Variants in SPTA1 observed in about 807,000 individuals in gnomAD.
The protein encoded by SPTA1 is spectrin alpha chain, erythrocytic 1.
SPTA1 carries 177 observed loss-of-function variants against 324.7 expected under a neutral mutation model. That is an observed-to-expected ratio of 0.55 (90% CI 0.48 to 0.62). The LOEUF (loss-of-function observed/expected upper bound fraction) is 0.62. SPTA1 is among the 20% of genes least tolerant of loss of function. SPTA1 has a pLI of 0.00. For synonymous variants in SPTA1, 1,195 were observed against 1,041.3 expected, an observed-to-expected ratio of 1.15 and a Z score of -2.84; for missense variants, 3,162 against 2,883.6, an observed-to-expected ratio of 1.10 and a Z score of -2.21.
chr1:158,628,151 G>A (rs575284969), intron 39 of SPTA1, among the ~76,000 whole-genome samples: 1 of 152,266 alleles, frequency 6.6e-6, no homozygotes, highest in Admixed American at 6.5e-5. Context: ...ACATGGAGCT[G>A]CCACTGACGA....
rs536551499 is a variant in SPTA1, at chr1:158,651,435, T to C, written c.3409A>G (p.Ile1137Val). ...LNTNEPRLRD[I>V]NKVADDLLFE... ...AGTAGATCATCAGCTACCTTGTTGA[T>C]ATCCCTTAGCCGAGGCTCATTGGTA... The change falls in exon 24 of 52, where the codon ATC becomes GTC. Residue 1137 changes from isoleucine to valine, a missense_variant. Physicochemically the swap from Ile to Val is conservative, Grantham distance 29. Coordinates refer to ENST00000643759, the MANE Select transcript of SPTA1 (RefSeq NM_003126.4). 17 of 1,613,906 alleles carry C rather than the reference T, an allele frequency of 1.1e-5. No homozygotes were observed. In the East Asian group the frequency reaches 1.3e-4, roughly 13 times the overall value.
intron 14 of SPTA1, among the ~76,000 whole-genome samples, chr1:158,668,464 G>A (rs1490551999): frequency 6.6e-6 from 1 of 152,150 alleles, no homozygotes; most frequent in East Asian, 1.9e-4. Context: ...AACTCATCTA[G>A]TGAATGCAAA....
Position 158,653,427 on chromosome 1 carries a change from T to G in SPTA1, c.3037-2A>C. ...AGCAGCTTCCACCTTCCACCAGTCC[T>G]GAAGGGAGAGCAGATCCCCACTCCG... On this transcript the variant is annotated splice_acceptor_variant, in intron 21 of 51. Coordinates refer to ENST00000643759, the MANE Select transcript of SPTA1 (RefSeq NM_003126.4). LOFTEE classifies it high-confidence loss of function. The G allele has an allele frequency of 6.2e-7, 1 of 1,613,954 alleles. No homozygotes were observed. Among genetic ancestry groups the G allele is most frequent in the Non-Finnish European group, 8.5e-7 (1 of 1,179,968 alleles).
chr1:158,650,869 A>G (rs1652378020), intron 24 of SPTA1, among the ~76,000 whole-genome samples: 1 of 152,192 alleles, frequency 6.6e-6, no homozygotes, highest in Non-Finnish European at 1.5e-5. Flanking sequence ...GGAGGTTTGG[A>G]TATTGTAATT....
At chr1:158,628,493 G>A (rs187914237) in intron 39 of SPTA1, among the ~76,000 whole-genome samples, 61 of 152,242 alleles carry the variant, frequency 4.0e-4, no homozygotes, top group Middle Eastern at 3.4e-3. Context: ...AGGACTTTCA[G>A]TTCATGGTGT....
intron 49 of SPTA1, 68 bp from the exon 50 acceptor site, chr1:158,613,935 A>T: frequency 6.5e-7 from 1 of 1,532,982 alleles, no homozygotes; most frequent in South Asian, 1.2e-5. Flanking sequence ...AACAGAAAGG[A>T]ATATGTCTTA....
At chr1:158,655,244 A>C (rs550411722) in intron 20 of SPTA1, among the ~76,000 whole-genome samples, 263 of 152,268 alleles carry the variant, frequency 1.7e-3, no homozygotes, top group African/African-American at 6.0e-3. Context: ...TGAGTGATCA[A>C]TAGCACAGGA....
intron 48 of SPTA1, 122 bp from the exon 49 acceptor site, chr1:158,614,428 A>C (rs1210023816): frequency 2.7e-6 from 2 of 732,064 alleles, no homozygotes; most frequent in African/African-American, 3.5e-5. Context: ...CATCTAGTTC[A>C]AGAGTTGGCA....
At chr1:158,664,552 A>G (rs1440603348) in intron 16 of SPTA1, among the ~76,000 whole-genome samples, 1 of 152,168 alleles carries the variant, frequency 6.6e-6, no homozygotes, top group Non-Finnish European at 1.5e-5. Flanking sequence ...TAATGCATGC[A>G]GGGCTTAAAA....
Position 158,648,530 on chromosome 1 carries a change from G to A in SPTA1, c.3693C>T (p.Asp1231=), listed in dbSNP as rs34773716. 6,662 of 1,613,928 alleles carry A rather than the reference G, an allele frequency of 4.1e-3. 194 individuals are homozygous for A. In the African/African-American group the frequency reaches 0.072, roughly 17 times the overall value. ...TCACCTTATCTCCCAGGGGTACGAG[G>A]TCCCTTTCAAAGCCCTCATGCCGTC... ...LQRRHEGFER[D]LVPLGDKVTI... The change falls in exon 26 of 52, where the codon GAC becomes GAT. Residue 1231 remains aspartate (D), a synonymous_variant. Coordinates refer to ENST00000643759, the MANE Select transcript of SPTA1 (RefSeq NM_003126.4).
intron 32 of SPTA1, 134 bp downstream of exon 32, chr1:158,642,680 T>A: frequency 1.3e-6 from 2 of 1,570,700 alleles, no homozygotes; most frequent in Non-Finnish European, 1.7e-6. Flanking sequence ...CTGCTCCACA[T>A]CAGACTCTGA....
intron 39 of SPTA1, among the ~76,000 whole-genome samples, chr1:158,633,456 C>A (rs577704038): frequency 6.6e-6 from 1 of 151,886 alleles, no homozygotes; most frequent in South Asian, 2.1e-4. Flanking sequence ...GTCAGGAGAT[C>A]GAAACCATCC....
At position 158,678,493 on chromosome 1, in the gene SPTA1, A is replaced by T. The variant is rs750982221; in HGVS notation, c.720T>A (p.Asn240Lys). 1.2e-6 allele frequency: 2 copies of T among 1,613,640 alleles called. No individual in the cohort carries two copies. Among genetic ancestry groups the T allele is most frequent in the Non-Finnish European group, 1.7e-6 (2 of 1,179,726 alleles). ...PDLPLIQSKQ[N>K]EVNAAWERLR... ...GGCGCTCCCAGGCAGCATTCACCTC[A>T]TTTTGCTTAGACTGAATTAAGGGTA... is the stretch of plus-strand genomic sequence containing the variant. The change falls in exon 6 of 52, where the codon AAT becomes AAA. Residue 240 changes from asparagine to lysine, a missense_variant. Asn to Lys is a moderately conservative substitution (Grantham distance 94, BLOSUM62 0). Transcript: ENST00000643759.
chr1:158,642,644 T>C, intron 32 of SPTA1, 102 bp from the exon 33 acceptor site: 1 of 1,578,074 alleles, frequency 6.3e-7, no homozygotes, highest in Non-Finnish European at 8.7e-7. Context: ...CTATCATAAC[T>C]GAGGTGACGG....
At chr1:158,640,578 A>G (rs1457913612) in intron 33 of SPTA1, among the ~76,000 whole-genome samples, 1 of 152,168 alleles carries the variant, frequency 6.6e-6, no homozygotes, top group Admixed American at 6.5e-5. Flanking sequence ...AATTGCTTCA[A>G]AGAGAATAAA....
At position 158,647,539 on chromosome 1, in the gene SPTA1, C is replaced by T. The variant is rs1168326711; in HGVS notation, c.3896G>A (p.Arg1299Lys). 6.2e-7 allele frequency: 1 copy of T among 1,613,002 alleles called. No individual in the cohort carries two copies. The highest frequency in any genetic ancestry group is 8.5e-7 in the Non-Finnish European group (1 of 1,179,870). ...ACGGAAGTTACCCACCCCACTCTAC[C>T]TGGCCTTGCTGAGGAACAGGTAGAA... ...QKFYLFLSKA[R>K]DLQNWISSIG... is the part of the protein sequence containing the mutation. The change falls in exon 27 of 52, where the codon AGG becomes AAG. Residue 1299 changes from arginine (R) to lysine (K), a missense_variant and splice_region_variant. Coordinates refer to ENST00000643759, the MANE Select transcript of SPTA1 (RefSeq NM_003126.4).
At chr1:158,684,010 T>C (rs1427379474) in intron 2 of SPTA1, among the ~76,000 whole-genome samples, 1 of 151,152 alleles carries the variant, frequency 6.6e-6, no homozygotes, top group Non-Finnish European at 1.5e-5. Flanking sequence ...TTTAGGTGAA[T>C]AGAAAGGGGT....
rs1161064020 is a variant in SPTA1, at chr1:158,626,154, C to T, written c.5902G>A (p.Ala1968Thr). The change falls in exon 42 of 52, where the codon GCA becomes ACA. Residue 1968 changes from alanine (A) to threonine (T), a missense_variant. Transcript: ENST00000643759. Reference protein sequence around the residue: ...ADLGDFLTLLAKQDTLDASLQ... With the variant: ...ADLGDFLTLLTKQDTLDASLQ... The stretch of plus-strand genomic sequence containing the variant: ...ACATCTATCAATCTCACCTGTTTTG[C>T]CAGAAGAGTGAGGAAGTCACCAAGG... 1 of 1,613,456 alleles carries T rather than the reference C, an allele frequency of 6.2e-7. No homozygotes were observed. Among genetic ancestry groups the T allele is most frequent in the African/African-American group, 1.3e-5 (1 of 74,884 alleles).
intron 3 of SPTA1, 63 bp from the exon 4 acceptor site, chr1:158,681,730 AC>A: frequency 6.2e-7 from 1 of 1,607,922 alleles, no homozygotes; most frequent in Non-Finnish European, 8.5e-7. Flanking sequence ...ACACTCAGAG[AC>A]TTGTGCAGAA....
Sources: allele counts gnomAD v4.1 joint callset (sites outside exome capture counted in the v4.1 genomes callset), GRCh38; gene constraint gnomAD v4.1.1; transcripts MANE v1.5; gene names NCBI Gene and HGNC (gene_info 2026-07-23, HGNC 2026-07-21).